The following PARD3B variants were observed in gnomAD, a reference collection of about 807,000 sequenced individuals.
The protein encoded by PARD3B is par-3 family cell polarity regulator beta.
PARD3B carries 103 observed loss-of-function variants against 130.2 expected under a neutral mutation model. That is an observed-to-expected ratio of 0.79 (90% CI 0.67 to 0.93). PARD3B has a LOEUF of 0.93. Among genes scored for constraint, PARD3B ranks in the 40% least tolerant of loss-of-function variants. The pLI is 0.00. For missense variants in PARD3B, 1,609 were observed against 1,499.2 expected (o/e 1.07, Z -1.21); for synonymous variants, 583 against 553.2 (o/e 1.05, Z -0.76).
At chr2:204,567,241 T>C (rs964113250) in intron 1 of PARD3B, among the ~76,000 whole-genome samples, 1 of 152,186 alleles carries the variant, frequency 6.6e-6, no homozygotes, top group African/African-American at 2.4e-5. Flanking sequence ...CATAAAATGT[T>C]CCATTTTAAG....
intron 3 of PARD3B, among the ~76,000 whole-genome samples, chr2:205,016,361 C>T (rs187590693): frequency 2.4e-3 from 367 of 152,232 alleles, no homozygotes; most frequent in Non-Finnish European, 3.9e-3. Context: ...CTTTGTTCTT[C>T]GTGCTCCAGC....
At chr2:204,705,953 C>T (rs2038124097) in intron 2 of PARD3B, among the ~76,000 whole-genome samples, 2 of 152,062 alleles carry the variant, frequency 1.3e-5, no homozygotes, top group Admixed American at 6.6e-5. Context: ...ATACTTGGTG[C>T]ACAATAGGTA....
At chr2:205,409,146 A>G (rs922326765) in intron 19 of PARD3B, among the ~76,000 whole-genome samples, 1 of 152,176 alleles carries the variant, frequency 6.6e-6, no homozygotes, top group African/African-American at 2.4e-5. Context: ...GAAAGAAGCT[A>G]TCAGATTTCT....
intron 1 of PARD3B, among the ~76,000 whole-genome samples, chr2:204,647,523 G>C (rs1370660935): frequency 6.6e-6 from 1 of 151,540 alleles, no homozygotes; most frequent in Non-Finnish European, 1.5e-5. Context: ...GTTGGATTCA[G>C]GTTAAGTTGT....
At chr2:205,569,127 C>T (rs1029617365) in intron 22 of PARD3B, among the ~76,000 whole-genome samples, 3 of 151,710 alleles carry the variant, frequency 2.0e-5, no homozygotes, top group Admixed American at 6.6e-5. Flanking sequence ...ATTTGTAATT[C>T]GTTTACTCTC....
chr2:204,787,927 C>G (rs1467002732), intron 2 of PARD3B, among the ~76,000 whole-genome samples: 1 of 152,156 alleles, frequency 6.6e-6, no homozygotes, highest in Non-Finnish European at 1.5e-5. Context: ...TTGATCCTAC[C>G]AGACGGAGCT....
chr2:204,939,358 A>T (rs1042057569), intron 2 of PARD3B, among the ~76,000 whole-genome samples: 1 of 152,220 alleles, frequency 6.6e-6, no homozygotes, highest in South Asian at 2.1e-4. Context: ...ATAATAAAAA[A>T]TGGGTTATAT....
At position 205,585,757 on chromosome 2, in the gene PARD3B, C is replaced by G. The variant is rs929061976; in HGVS notation, c.3261-29699C>G. 2.0e-5 allele frequency among the ~76,000 whole-genome samples: 3 copies of G among 152,114 alleles called. No individual in the cohort carries two copies. The highest frequency in any genetic ancestry group is 7.2e-5 in the African/African-American group (3 of 41,432). ...GGGGAATCAGGAGTCAGCTGTTTCT[C>G]CCCCACCACATTTCAGGAAGGGCTT... On this transcript the variant is annotated intron_variant, in intron 22 of 22. Transcript: ENST00000406610. The surrounding 1 kb of genome is among the most constrained non-coding windows in gnomAD (Gnocchi z 5.4).
intron 18 of PARD3B, among the ~76,000 whole-genome samples, chr2:205,310,719 C>CTTTTTTTTTTT (rs34032930): frequency 5.2e-4 from 43 of 82,588 alleles, no homozygotes; most frequent in African/African-American, 8.1e-4. Context: ...TTCTTTCTTT[C>CTTTTTTTTTTT]TTTTTTTTTT....
At chr2:204,732,702 T>C (rs1264728349) in intron 2 of PARD3B, among the ~76,000 whole-genome samples, 1 of 152,134 alleles carries the variant, frequency 6.6e-6, no homozygotes, top group East Asian at 1.9e-4. Context: ...TGAGAACTCA[T>C]TGGTTCCTTC....
At chr2:205,203,954 T>C (rs2037138326) in intron 15 of PARD3B, among the ~76,000 whole-genome samples, 1 of 152,220 alleles carries the variant, frequency 6.6e-6, no homozygotes, top group East Asian at 1.9e-4. Flanking sequence ...TTATAATCCT[T>C]TGGGTATATA....
At chr2:205,211,338 C>T (rs921892621) in intron 15 of PARD3B, among the ~76,000 whole-genome samples, 3 of 151,852 alleles carry the variant, frequency 2.0e-5, no homozygotes, top group East Asian at 1.9e-4. Context: ...TGTATGGATG[C>T]GAAAGTCATC....
chr2:205,617,260 G>A lies in PARD3B; in HGVS notation c.*1447G>A, dbSNP rs2055466348. The A allele has an allele frequency of 6.6e-6, 1 of 152,382 alleles. No individual in the cohort carries two copies. Among genetic ancestry groups the A allele is most frequent in the African/African-American group, 2.4e-5 (1 of 41,426 alleles). 9.4% of individuals were successfully genotyped at this position (152,382 alleles called of 1,614,324 possible). On this transcript the variant is annotated 3_prime_UTR_variant, in exon 23 of 23. Transcript: ENST00000406610. Reference sequence around the variant, plus strand: ...GAGAACACAAGCAAAAGATGTGGAAGACAGCAAAACCTGAGCACTGGTTTG... The same window carrying A: ...GAGAACACAAGCAAAAGATGTGGAAAACAGCAAAACCTGAGCACTGGTTTG...
At chr2:204,738,975 A>G (rs1401397514) in intron 2 of PARD3B, among the ~76,000 whole-genome samples, 1 of 152,178 alleles carries the variant, frequency 6.6e-6, no homozygotes, top group Non-Finnish European at 1.5e-5. Flanking sequence ...TTCTAGCTAT[A>G]CTCAGTGGGA....
At chr2:205,206,065 TTGTC>T (rs1314736559) in intron 15 of PARD3B, among the ~76,000 whole-genome samples, 1 of 152,044 alleles carries the variant, frequency 6.6e-6, no homozygotes, top group African/African-American at 2.4e-5. Context: ...GGCTGTGACT[TTGTC>T]TGGTCCTGGG....
At chr2:205,111,990 G>A (rs1403583768) in intron 5 of PARD3B, among the ~76,000 whole-genome samples, 1 of 151,904 alleles carries the variant, frequency 6.6e-6, no homozygotes, top group Admixed American at 6.6e-5. Context: ...TGTCAACCAA[G>A]CATTTTATAT....
intron 18 of PARD3B, among the ~76,000 whole-genome samples, chr2:205,314,144 T>C (rs2042480987): frequency 6.6e-6 from 1 of 152,216 alleles, no homozygotes; most frequent in Non-Finnish European, 1.5e-5. Context: ...GATTTAATAA[T>C]TTGCTTGGGG....
intron 16 of PARD3B, among the ~76,000 whole-genome samples, chr2:205,298,038 G>A (rs770468076): frequency 2.0e-5 from 3 of 152,096 alleles, no homozygotes; most frequent in Admixed American, 6.6e-5. Flanking sequence ...TTTAGATAAC[G>A]TGCCTTCTAT....
At chr2:205,205,667 T>C (rs2037248767) in intron 15 of PARD3B, among the ~76,000 whole-genome samples, 1 of 152,202 alleles carries the variant, frequency 6.6e-6, no homozygotes, top group Non-Finnish European at 1.5e-5. Flanking sequence ...CAGTGTTGAA[T>C]TTTATTAAAG....
Sources: gnomAD v4.1 joint callset for allele counts (sites outside exome capture counted in the v4.1 genomes callset) on GRCh38, gnomAD v4.1.1 for gene constraint, Gnocchi (gnomAD v3.1) non-coding constraint, MANE v1.5 for transcripts, NCBI Gene and HGNC (gene_info 2026-07-23, HGNC 2026-07-21) for gene names.